The following EVC2 variants were observed in gnomAD, a reference collection of about 807,000 sequenced individuals.
EVC2 encodes EvC ciliary complex subunit 2.
A neutral mutation model predicts 149.3 loss-of-function variants in EVC2; 148 were observed. The observed-to-expected ratio is 0.99, with a 90% CI of 0.87 to 1.14. EVC2 has a LOEUF of 1.14. EVC2 is among the 50% of genes most tolerant of loss of function. The pLI, the probability that EVC2 is intolerant of heterozygous loss-of-function variation, is 0.00. For synonymous variants in EVC2, 776 were observed against 649.9 expected (o/e 1.19, Z -2.95); for missense variants, 1,854 against 1,627.3 (o/e 1.14, Z -2.40).
chr4:5,691,118 C>T, intron 4 of EVC2, 147 bp downstream of exon 4: 1 of 691,252 alleles, frequency 1.4e-6, no homozygotes, highest in Middle Eastern at 3.8e-4. Flanking sequence ...ATATCACAGA[C>T]CTTGCTATTT....
intron 16 of EVC2, among the ~76,000 whole-genome samples, chr4:5,585,568 G>A (rs1006151446): frequency 6.6e-6 from 1 of 152,138 alleles, no homozygotes; most frequent in Non-Finnish European, 1.5e-5. Flanking sequence ...CCAACACACA[G>A]AGTTTAGTTT....
In EVC2 at chr4:5,613,974, A is replaced by C. The variant is rs139131957; in HGVS notation, c.2829+1448T>G. Among the ~76,000 whole-genome samples, 450 of 152,276 alleles carry C rather than the reference A, an allele frequency of 3.0e-3. 1 individual carries two copies. The highest frequency in any genetic ancestry group is 0.011 in the African/African-American group (438 of 41,554). ...AATACACCGGCACTAAAATAAAAAC[A>C]AGCAAAAAAGCTAGAAAAAGGAGAC... On this transcript the variant is annotated intron_variant, in intron 16 of 21. Transcript: ENST00000344408. This position sits in a 1 kb window ranked among gnomAD's most constrained non-coding sequence, Gnocchi z 4.6.
chr4:5,616,757 C>G (rs868583291), intron 15 of EVC2, among the ~76,000 whole-genome samples: 1 of 152,204 alleles, frequency 6.6e-6, no homozygotes, highest in East Asian at 1.9e-4. Context: ...AAAGCCTGAC[C>G]GTGCTGGCCC....
intron 9 of EVC2, among the ~76,000 whole-genome samples, chr4:5,654,479 C>G (rs1305224226): frequency 6.6e-6 from 1 of 152,212 alleles, no homozygotes; most frequent in Admixed American, 6.5e-5. Context: ...ACCTAGCAGT[C>G]AGCTTCTCCG....
chr4:5,678,611 T>C (rs565021623), intron 7 of EVC2, among the ~76,000 whole-genome samples: 25 of 152,350 alleles, frequency 1.6e-4, no homozygotes, highest in African/African-American at 6.0e-4. Context: ...CCAACCTAGA[T>C]GATCTAGCCT....
intron 7 of EVC2, among the ~76,000 whole-genome samples, chr4:5,667,571 G>C (rs976227906): frequency 5.9e-5 from 9 of 152,084 alleles, no homozygotes; most frequent in Admixed American, 2.0e-4. Flanking sequence ...CCACTCACAG[G>C]TATGGTTTAT....
At chr4:5,620,744 CTA>C (rs1235483038) in intron 14 of EVC2, among the ~76,000 whole-genome samples, 4 of 152,162 alleles carry the variant, frequency 2.6e-5, no homozygotes, top group Non-Finnish European at 5.9e-5. Context: ...CATTAAATGG[CTA>C]AATCAGCAGT....
chr4:5,624,789 T>C (rs1445105995), intron 13 of EVC2, among the ~76,000 whole-genome samples: 1 of 152,168 alleles, frequency 6.6e-6, no homozygotes, highest in Non-Finnish European at 1.5e-5. Context: ...GCCAGAATCA[T>C]GGCTTTCTGT....
chr4:5,632,316 C>T (rs1716606284), intron 10 of EVC2, among the ~76,000 whole-genome samples: 1 of 152,200 alleles, frequency 6.6e-6, no homozygotes, highest in Admixed American at 6.5e-5. Context: ...GGCACAAGTA[C>T]ATGTGCGCAC....
At chr4:5,674,578 G>A (rs900877045) in intron 7 of EVC2, among the ~76,000 whole-genome samples, 1 of 152,180 alleles carries the variant, frequency 6.6e-6, no homozygotes, top group African/African-American at 2.4e-5. Flanking sequence ...CTGGCCAGGG[G>A]AGGGCTCGGG....
chr4:5,616,724 G>T (rs76616617), intron 15 of EVC2, among the ~76,000 whole-genome samples: 1 of 152,214 alleles, frequency 6.6e-6, no homozygotes, highest in Non-Finnish European at 1.5e-5. Context: ...GCAAGCGAAG[G>T]GAGCTGCGGC....
At chr4:5,592,588 A>C (rs998676993) in intron 16 of EVC2, among the ~76,000 whole-genome samples, 1 of 152,210 alleles carries the variant, frequency 6.6e-6, no homozygotes, top group East Asian at 1.9e-4. Flanking sequence ...CTCCCAACAG[A>C]TAGTAAAGAC....
intron 16 of EVC2, among the ~76,000 whole-genome samples, chr4:5,585,345 G>A (rs1712180935): frequency 6.6e-6 from 1 of 152,160 alleles, no homozygotes; most frequent in Admixed American, 6.5e-5. Flanking sequence ...GCTCTTTGCA[G>A]TGATTGAAAT....
intron 16 of EVC2, among the ~76,000 whole-genome samples, chr4:5,605,418 T>C (rs772947699): frequency 3.3e-5 from 5 of 152,188 alleles, no homozygotes; most frequent in Non-Finnish European, 7.3e-5. Context: ...CCACCCGTGA[T>C]GTGTGAGGGG....
Position 5,640,512 on chromosome 4 carries a change from A to G in EVC2, c.1470+2T>C. On this transcript the variant is annotated splice_donor_variant, in intron 10 of 21. Coordinates refer to ENST00000344408, the MANE Select transcript of EVC2 (RefSeq NM_147127.5). LOFTEE classifies it high-confidence loss of function. This position sits in a 1 kb window ranked among gnomAD's most constrained non-coding sequence, Gnocchi z 4.6. ...AACGCCTTCCTTTCAGACCTGTCTT[A>G]CCCTCTCACCAGCACGTTTCAGCAA... The G allele has an allele frequency of 1.2e-6, 2 of 1,613,992 alleles. No individual in the cohort carries two copies.
At chr4:5,535,439 T>A in the EVC2 span, among the ~76,000 whole-genome samples, 2 of 152,172 alleles carry the variant, frequency 1.3e-5, no homozygotes, top group Non-Finnish European at 2.9e-5. This position sits in a 1 kb window ranked among gnomAD's most constrained non-coding sequence, Gnocchi z 4.7. Context: ...GTTACAGGCT[T>A]CTGCTTTAGG....
intron 7 of EVC2, among the ~76,000 whole-genome samples, chr4:5,675,293 CTTT>C (rs1005377513): frequency 2.0e-5 from 3 of 152,156 alleles, no homozygotes; most frequent in Admixed American, 2.0e-4. Context: ...CCCATATTTA[CTTT>C]TTACTAATTG....
chr4:5,664,544 T>C (rs1441662624), intron 8 of EVC2, among the ~76,000 whole-genome samples: 1 of 152,122 alleles, frequency 6.6e-6, no homozygotes, highest in Non-Finnish European at 1.5e-5. Flanking sequence ...CAAGGTCTGA[T>C]TAGATGGGAC....
chr4:5,708,373 G>A lies in EVC2; in HGVS notation c.141C>T (p.Pro47=), dbSNP rs897300151. The A allele has an allele frequency of 5.4e-6, 8 of 1,492,614 alleles. No homozygotes were observed. In the African/African-American group the frequency reaches 5.8e-5, roughly 11 times the overall value. The allele number at this position is 1,492,614 out of a possible 1,614,324, so 92.5% of individuals were successfully genotyped here. A position where few individuals can be genotyped will look rare whatever the true frequency, so the allele number is the denominator to read the frequency against. The change falls in exon 1 of 22, where the codon CCC becomes CCT. Residue 47 remains proline, a synonymous_variant. Transcript: ENST00000344408. Reference sequence around the variant, plus strand: ...ACCTAGGAGCCACCTGGGGATCCCGGGGTGGCTGCGCGCCGAGGGGGCGCC... The same window carrying A: ...ACCTAGGAGCCACCTGGGGATCCCGAGGTGGCTGCGCGCCGAGGGGGCGCC... ...PRWRPLGAQP[P]RDPQVAPRSG... is the part of the protein sequence containing the mutation.
Sources: allele counts gnomAD v4.1 joint callset (sites outside exome capture counted in the v4.1 genomes callset), GRCh38; gene constraint gnomAD v4.1.1; non-coding constraint Gnocchi (gnomAD v3.1); transcripts MANE v1.5; gene names NCBI Gene and HGNC (gene_info 2026-07-23, HGNC 2026-07-21).